Variants in SORCS1 observed in about 807,000 individuals in gnomAD.
SORCS1 encodes VPS10 domain-containing receptor SorCS1.
Under a neutral mutation model 146.1 loss-of-function variants are expected in SORCS1, and 60 were observed. That is an observed-to-expected ratio of 0.41 (90% CI 0.33 to 0.51). The LOEUF (loss-of-function observed/expected upper bound fraction) is 0.51, where lower values mean the gene tolerates loss of function less well. SORCS1 is among the 20% of genes least tolerant of loss of function. The pLI is 0.21. For synonymous variants in SORCS1, 637 were observed against 584.0 expected, an observed-to-expected ratio of 1.09 and a Z score of -1.31; for missense variants, 1,352 against 1,487.6, an observed-to-expected ratio of 0.91 and a Z score of 1.50.
intron 18 of SORCS1, among the ~76,000 whole-genome samples, chr10:106,636,063 C>A (rs917644395): frequency 4.6e-5 from 7 of 152,146 alleles, no homozygotes; most frequent in African/African-American, 1.7e-4. Context: ...GTAGTAAATG[C>A]ATGGCATGCG....
intron 1 of SORCS1, among the ~76,000 whole-genome samples, chr10:106,978,495 T>C (rs1044031695): frequency 7.2e-5 from 11 of 151,994 alleles, no homozygotes; most frequent in Non-Finnish European, 1.6e-4. Flanking sequence ...AGTATTAAAG[T>C]TTTTCTTAAA....
At chr10:106,937,537 TAA>T (rs1953801658) in intron 2 of SORCS1, among the ~76,000 whole-genome samples, 1 of 152,154 alleles carries the variant, frequency 6.6e-6, no homozygotes, top group Non-Finnish European at 1.5e-5. Flanking sequence ...TGCTGCCATA[TAA>T]GACATGCCTT....
chr10:107,033,238 C>T (rs938242197), intron 1 of SORCS1, among the ~76,000 whole-genome samples: 12 of 152,172 alleles, frequency 7.9e-5, no homozygotes, highest in African/African-American at 2.7e-4. Context: ...TGAGAACTCA[C>T]TCACCATCAC....
At chr10:106,690,211 T>C (rs1853193160) in intron 9 of SORCS1, among the ~76,000 whole-genome samples, 1 of 152,234 alleles carries the variant, frequency 6.6e-6, no homozygotes, top group African/African-American at 2.4e-5. Flanking sequence ...TGGTTTTGTA[T>C]ATGTTCAAGA....
intron 9 of SORCS1, among the ~76,000 whole-genome samples, chr10:106,697,526 A>G (rs1199819418): frequency 2.0e-5 from 3 of 152,188 alleles, no homozygotes; most frequent in African/African-American, 4.8e-5. Context: ...CACTAATTTC[A>G]GTATGGGAAG....
At chr10:107,154,101 T>A (rs182330206) in intron 1 of SORCS1, among the ~76,000 whole-genome samples, 357 of 137,374 alleles carry the variant, frequency 2.6e-3, no homozygotes, top group Non-Finnish European at 4.0e-3. Context: ...AACCTCCACC[T>A]CCCAGGTTCA....
upstream of SORCS1, among the ~76,000 whole-genome samples, chr10:107,169,167 G>A (rs934757415): frequency 1.3e-5 from 2 of 152,068 alleles, no homozygotes; most frequent in Non-Finnish European, 2.9e-5. Flanking sequence ...GCTTCAGTTT[G>A]CACTAAATCA....
At chr10:107,070,954 A>C (rs951735758) in intron 1 of SORCS1, among the ~76,000 whole-genome samples, 1 of 152,174 alleles carries the variant, frequency 6.6e-6, no homozygotes, top group African/African-American at 2.4e-5. Context: ...GAGGCTTGCT[A>C]CTGACCTCAG....
intron 5 of SORCS1, among the ~76,000 whole-genome samples, chr10:106,730,908 C>A (rs922093556): frequency 7.9e-5 from 12 of 152,078 alleles, no homozygotes; most frequent in African/African-American, 2.7e-4. Flanking sequence ...TAATTTATTC[C>A]ATTTCTACAC....
In SORCS1 at chr10:106,573,966, C is replaced by T. The variant is rs1307640915; in HGVS notation, c.*3454G>A. 1.3e-5 allele frequency: 2 copies of T among 151,924 alleles called. No individual in the cohort carries two copies. The highest frequency in any genetic ancestry group is 2.9e-5 in the Non-Finnish European group (2 of 67,896). 9.4% of individuals were successfully genotyped at this position (151,924 alleles called of 1,614,324 possible). A position where few individuals can be genotyped will look rare whatever the true frequency, so the allele number is the denominator to read the frequency against. ...AAAGCAATAAACAAGAGCAATTATACATTACACTACATAGTATTTAACAAA... is the reference window on the plus strand; with the variant it reads ...AAAGCAATAAACAAGAGCAATTATATATTACACTACATAGTATTTAACAAA... On this transcript the variant is annotated 3_prime_UTR_variant, in exon 26 of 26. Transcript: ENST00000263054.
At chr10:106,946,666 C>G (rs193121179) in intron 2 of SORCS1, among the ~76,000 whole-genome samples, 1 of 152,142 alleles carries the variant, frequency 6.6e-6, no homozygotes, top group African/African-American at 2.4e-5. Flanking sequence ...ATTAGCAGCA[C>G]GGGAACAGAC....
rs1268911799 is a variant in SORCS1, at chr10:106,710,334, CTA to C, written c.1025-995_1025-994del. On this transcript the variant is annotated intron_variant, in intron 6 of 25. Coordinates refer to ENST00000263054, the MANE Select transcript of SORCS1 (RefSeq NM_052918.5). Reference sequence around the variant, plus strand: ...CAGTGGCAGGCACGTAAAATCACAGCTACTCAGGAGGCTGAGGCAACAGAATC... The same window carrying C: ...CAGTGGCAGGCACGTAAAATCACAGCCTCAGGAGGCTGAGGCAACAGAATC... Among the ~76,000 whole-genome samples the C allele has an allele frequency of 3.3e-5, 5 of 150,904 alleles. No homozygotes were observed. The East Asian group carries it at 9.9e-4, about 30-fold the overall frequency.
chr10:107,013,506 G>T (rs1379739605), intron 1 of SORCS1, among the ~76,000 whole-genome samples: 1 of 152,040 alleles, frequency 6.6e-6, no homozygotes, highest in Non-Finnish European at 1.5e-5. Context: ...ATTGTCCATT[G>T]TATTTTATTT....
intron 2 of SORCS1, among the ~76,000 whole-genome samples, chr10:106,854,839 A>G (rs1949723316): frequency 1.3e-5 from 2 of 152,284 alleles, no homozygotes; most frequent in Non-Finnish European, 2.9e-5. Context: ...GTGTGTATAT[A>G]TATACATGAG....
At chr10:107,173,780 C>G in the SORCS1 span, among the ~76,000 whole-genome samples, 2 of 152,070 alleles carry the variant, frequency 1.3e-5, no homozygotes, top group Non-Finnish European at 2.9e-5. Flanking sequence ...AACTCAGCAC[C>G]ATTAATTTAA....
chr10:106,630,908 G>A (rs190731112), intron 18 of SORCS1, among the ~76,000 whole-genome samples: 2 of 151,232 alleles, frequency 1.3e-5, no homozygotes, highest in Admixed American at 1.3e-4. Context: ...AAAAAAAGTT[G>A]CTCAGACCCC....
chr10:106,810,093 C>T (rs994911206), intron 3 of SORCS1, among the ~76,000 whole-genome samples: 52 of 152,216 alleles, frequency 3.4e-4, no homozygotes, highest in African/African-American at 1.1e-3. Flanking sequence ...TCGTGGCACG[C>T]GCCTGTAGTC....
chr10:106,632,267 C>T (rs1158784906), intron 18 of SORCS1, among the ~76,000 whole-genome samples: 1 of 152,194 alleles, frequency 6.6e-6, no homozygotes, highest in African/African-American at 2.4e-5. Context: ...CCATGTATGA[C>T]AGCAGAAGGC....
chr10:106,612,913 C>T (rs2133429064), intron 21 of SORCS1, among the ~76,000 whole-genome samples: 1 of 152,202 alleles, frequency 6.6e-6, no homozygotes, highest in South Asian at 2.1e-4. Flanking sequence ...TAGAACGCCC[C>T]ATTCTCCCCA....
Sources: allele counts gnomAD v4.1 joint callset (sites outside exome capture counted in the v4.1 genomes callset), GRCh38; gene constraint gnomAD v4.1.1; transcripts MANE v1.5; gene names NCBI Gene and HGNC (gene_info 2026-07-23, HGNC 2026-07-21).